Variants in SORBS2 observed in about 807,000 individuals in gnomAD.
The protein encoded by SORBS2 is sorbin and SH3 domain containing 2.
A neutral mutation model predicts 97.7 loss-of-function variants in SORBS2; 46 were observed. The observed-to-expected ratio is 0.47, with a 90% CI of 0.37 to 0.60. The LOEUF (loss-of-function observed/expected upper bound fraction) is 0.60. Ranked by LOEUF, SORBS2 falls within the 20% of genes least tolerant of loss-of-function variation. The pLI, the probability that SORBS2 is intolerant of heterozygous loss-of-function variation, is 0.00. For missense variants in SORBS2, 1,316 were observed against 1,282.3 expected (o/e 1.03, Z -0.40); for synonymous variants, 476 against 473.4 (o/e 1.01, Z -0.07).
At chr4:185,675,438 G>A (rs1275037937) in intron 4 of SORBS2, 2 of 152,262 alleles carry the variant, frequency 1.3e-5, no homozygotes, top group South Asian at 2.1e-4. Flanking sequence ...CCACCATCAT[G>A]GCACCGTGTC....
chr4:185,629,390 T>C (rs1408137683), intron 5 of SORBS2, among the ~76,000 whole-genome samples: 2 of 152,008 alleles, frequency 1.3e-5, no homozygotes, highest in East Asian at 3.9e-4. Flanking sequence ...TGCAGTTGGA[T>C]GGCACTCAGA....
chr4:185,650,825 T>C (rs576087084), intron 2 of SORBS2, among the ~76,000 whole-genome samples: 30 of 152,248 alleles, frequency 2.0e-4, no homozygotes, highest in Middle Eastern at 3.4e-3. Context: ...CCTGAAGCTA[T>C]CAGTGGGGCG....
chr4:185,697,330 T>C (rs973908789), intron 2 of SORBS2, among the ~76,000 whole-genome samples: 10 of 152,338 alleles, frequency 6.6e-5, no homozygotes, highest in African/African-American at 2.4e-4. Flanking sequence ...TATGGTTTAT[T>C]AGACTGATTT....
At chr4:185,605,335 T>C (rs527802959) in intron 12 of SORBS2, among the ~76,000 whole-genome samples, 2 of 152,258 alleles carry the variant, frequency 1.3e-5, no homozygotes, top group Non-Finnish European at 2.9e-5. Context: ...CAGAACGGAG[T>C]GCAGTGGCAC....
At chr4:185,900,580 A>T (rs1456672918) in intron 1 of SORBS2, among the ~76,000 whole-genome samples, 1 of 152,232 alleles carries the variant, frequency 6.6e-6, no homozygotes, top group Non-Finnish European at 1.5e-5. Flanking sequence ...AACAGATGAA[A>T]ACAGGTTATA....
At chr4:185,805,165 T>C (rs1349847558) in intron 1 of SORBS2, among the ~76,000 whole-genome samples, 2 of 152,190 alleles carry the variant, frequency 1.3e-5, no homozygotes, top group South Asian at 2.1e-4. Flanking sequence ...GAGCTTTATC[T>C]ATGCTTCTGG....
intron 2 of SORBS2, among the ~76,000 whole-genome samples, chr4:185,722,622 A>AATTT: frequency 6.6e-6 from 1 of 152,276 alleles, no homozygotes; most frequent in South Asian, 2.1e-4. Flanking sequence ...TCTGAGACAG[A>AATTT]ATTTTGAGAA....
intron 5 of SORBS2, among the ~76,000 whole-genome samples, chr4:185,629,801 T>C (rs1205781839): frequency 6.6e-6 from 1 of 152,000 alleles, no homozygotes; most frequent in Non-Finnish European, 1.5e-5. Context: ...GACCTCATGA[T>C]CTTCCCCCCT....
intron 1 of SORBS2, among the ~76,000 whole-genome samples, chr4:185,890,644 G>A (rs1490484099): frequency 6.6e-6 from 1 of 152,178 alleles, no homozygotes; most frequent in East Asian, 1.9e-4. Flanking sequence ...GCCTGCTGAG[G>A]CCAGATGCTT....
intron 1 of SORBS2, among the ~76,000 whole-genome samples, chr4:185,804,869 G>GT (rs34754893): frequency 0.2 from 30,726 of 151,576 alleles, 4,274 homozygotes; most frequent in East Asian, 0.62. Flanking sequence ...AGCTTCTATG[G>GT]TTTTTTTTAA....
intron 1 of SORBS2, among the ~76,000 whole-genome samples, chr4:185,915,390 G>T (rs2099257550): frequency 6.6e-6 from 1 of 152,078 alleles, no homozygotes; most frequent in Non-Finnish European, 1.5e-5. Context: ...TTACCTGTTG[G>T]CCAGAAACCT....
chr4:185,778,475 C>T (rs368368436), intron 1 of SORBS2, among the ~76,000 whole-genome samples: 6 of 152,120 alleles, frequency 3.9e-5, no homozygotes, highest in African/African-American at 1.4e-4. Flanking sequence ...CCACCCAGAC[C>T]TACTGAGCCA....
At chr4:185,767,938 T>A (rs867288559) in intron 2 of SORBS2, among the ~76,000 whole-genome samples, 22 of 152,102 alleles carry the variant, frequency 1.4e-4, no homozygotes, top group African/African-American at 5.3e-4. Context: ...GAGTCCTGAG[T>A]TTTCTCTCCT....
In SORBS2 at chr4:185,866,010, G is replaced by A. The variant is rs1325449360; in HGVS notation, c.-338+90186C>T. Among the ~76,000 whole-genome samples the A allele has an allele frequency of 3.9e-5, 6 of 152,302 alleles. No homozygotes were observed. The South Asian group carries it at 1.0e-3, about 26-fold the overall frequency. On this transcript the variant is annotated intron_variant, in intron 1 of 20. Coordinates refer to the SORBS2 transcript ENST00000284776. ...CTCTGTGAACTCTCGCCCAGGAAAT[G>A]CAGGTTTTGATATGTACAAATTGCC...
At chr4:185,618,745 A>T (rs137961309) in intron 8 of SORBS2, 114 bp from the exon 21 acceptor site, 1 of 543,976 alleles carries the variant, frequency 1.8e-6, no homozygotes, top group Non-Finnish European at 3.3e-6. Flanking sequence ...AAACATATGT[A>T]ATGTTAATCC....
At chr4:185,655,497 C>T (rs1421709609) in intron 1 of SORBS2, among the ~76,000 whole-genome samples, 2 of 152,120 alleles carry the variant, frequency 1.3e-5, no homozygotes, top group African/African-American at 4.8e-5. Flanking sequence ...GAGGAGAGTC[C>T]TCATAGACCT....
At chr4:185,917,651 C>T (rs1263551614) in intron 1 of SORBS2, among the ~76,000 whole-genome samples, 2 of 152,198 alleles carry the variant, frequency 1.3e-5, no homozygotes, top group African/African-American at 4.8e-5. Flanking sequence ...GTCAGAAGCA[C>T]AGGTTATTCA....
intron 2 of SORBS2, among the ~76,000 whole-genome samples, chr4:185,728,942 A>G (rs1302569754): frequency 6.6e-6 from 1 of 152,236 alleles, no homozygotes; most frequent in Admixed American, 6.5e-5. Flanking sequence ...TGAGGGGAGT[A>G]AGTGGAAGAA....
At chr4:185,624,459 T>G (rs2096775746) in exon 7 of SORBS2, 1 of 1,612,310 alleles carries the variant, frequency 6.2e-7, no homozygotes, top group Admixed American at 1.7e-5. Context: ...CCTGAGTAAC[T>G]GCAAAGGGAT....
Sources: allele counts gnomAD v4.1 joint callset (sites outside exome capture counted in the v4.1 genomes callset), GRCh38; gene constraint gnomAD v4.1.1; transcripts MANE v1.5; gene names NCBI Gene and HGNC (gene_info 2026-07-23, HGNC 2026-07-21).